EDEM2: variants seen among roughly 807,000 people sequenced by gnomAD.
The protein encoded by EDEM2 is ER degradation enhancing alpha-mannosidase like protein 2.
A neutral mutation model predicts 64.8 loss-of-function variants in EDEM2; 39 were observed. The ratio of observed to expected loss-of-function variants is 0.60; its 90% CI spans 0.47 to 0.79. The LOEUF (loss-of-function observed/expected upper bound fraction) is 0.79. Ranked by LOEUF, EDEM2 falls within the 30% of genes least tolerant of loss-of-function variation. The probability of loss-of-function intolerance (pLI) is 0.00; values close to 1 mark genes in which losing one functional copy is unlikely to be tolerated. For synonymous variants in EDEM2, 296 were observed against 291.5 expected (o/e 1.02, Z -0.16); for missense variants, 609 against 731.3 (o/e 0.83, Z 1.93).
intron 9 of EDEM2, 36 bp downstream of exon 9, chr20:35,123,854 C>T (rs757909730): frequency 6.2e-7 from 1 of 1,608,348 alleles, no homozygotes; most frequent in Non-Finnish European, 8.5e-7. Context: ...GCAACCAGAG[C>T]CTGTGGGCAG....
chr20:35,116,891 G>A (rs559357357), intron 10 of EDEM2, among the ~76,000 whole-genome samples: 2 of 152,178 alleles, frequency 1.3e-5, no homozygotes, highest in East Asian at 3.9e-4. Context: ...CCGGGTTCAA[G>A]CAATTCTCCT....
intron 2 of EDEM2, 97 bp downstream of exon 2, chr20:35,146,728 G>T: frequency 7.5e-7 from 1 of 1,327,362 alleles, no homozygotes; most frequent in Non-Finnish European, 1.0e-6. Context: ...TTCTGGTGCC[G>T]GTGAGGAGAC....
chr20:35,116,529 C>T (rs1214231356), intron 10 of EDEM2, among the ~76,000 whole-genome samples: 2 of 152,196 alleles, frequency 1.3e-5, no homozygotes. Context: ...GTTCTTTCAG[C>T]CTGGAGCACT....
Position 35,127,621 on chromosome 20 carries a change from T to C in EDEM2, c.845-1246A>G, listed in dbSNP as rs114196714. Among the ~76,000 whole-genome samples the C allele has an allele frequency of 7.1e-3, 1,084 of 152,348 alleles. 12 individuals are homozygous for C. Among genetic ancestry groups the C allele is most frequent in the African/African-American group, 0.025 (1,044 of 41,582 alleles). On this transcript the variant is annotated intron_variant, in intron 7 of 10. Transcript: ENST00000374492. ...TCAAACAGGAGTTGTAAGGATTATATGAAACAGTCCATGTTCAGAGCTTGG... is the reference window on the plus strand; with the variant it reads ...TCAAACAGGAGTTGTAAGGATTATACGAAACAGTCCATGTTCAGAGCTTGG...
intron 6 of EDEM2, among the ~76,000 whole-genome samples, chr20:35,132,445 G>A (rs1473635015): frequency 1.3e-5 from 2 of 152,006 alleles, no homozygotes; most frequent in African/African-American, 4.8e-5. Context: ...CTGGAGGTCA[G>A]AAGTCCGAGA....
chr20:35,137,981 T>C lies in EDEM2; in HGVS notation c.389A>G (p.His130Arg). ...IRVVGGLLSA[H>R]LLSKKAGVEV... ...CACCCCAGCCTTCTTGGAGAGCAGA[T>C]GAGCAGACAGGAGTCCTCCTACCAC... Residue 130 changes from histidine (H) to arginine (R), a missense_variant, in exon 5 of 11, where the codon CAT (histidine) becomes CGT (arginine). Physicochemically the swap from His to Arg is conservative, Grantham distance 29. Coordinates refer to ENST00000374492, the MANE Select transcript of EDEM2 (RefSeq NM_018217.3). 3 of 1,614,148 alleles carry C rather than the reference T, an allele frequency of 1.9e-6. No individual in the cohort carries two copies. The highest frequency in any genetic ancestry group is 2.5e-6 in the Non-Finnish European group (3 of 1,180,022).
chr20:35,141,870 T>C (rs1228304182), intron 4 of EDEM2, among the ~76,000 whole-genome samples: 3 of 152,214 alleles, frequency 2.0e-5, no homozygotes, highest in South Asian at 4.1e-4. Context: ...AATCACTAAC[T>C]ACATGTGACT....
chr20:35,131,501 G>A, intron 7 of EDEM2, 141 bp downstream of exon 7: 2 of 993,834 alleles, frequency 2.0e-6, no homozygotes, highest in Non-Finnish European at 3.0e-6. Flanking sequence ...GGGAGGCAGA[G>A]GTTGCAGTGA....
In EDEM2 at chr20:35,128,602, C is replaced by T. The variant is rs990467627; in HGVS notation, c.845-2227G>A. Among the ~76,000 whole-genome samples, 3 of 149,250 alleles carry T rather than the reference C, an allele frequency of 2.0e-5. No individual in the cohort carries two copies. The South Asian group carries it at 6.4e-4, about 32-fold the overall frequency. On this transcript the variant is annotated intron_variant, in intron 7 of 10. Transcript: ENST00000374492. ...AAAAATGAAACAGCTTCAGGCAGGT[C>T]CTTCAAGGAATTCCAGAAGGCATTG...
At position 35,142,464 on chromosome 20, in the gene EDEM2, G is replaced by C. The variant is rs375028628; in HGVS notation, c.273C>G (p.Val91=). 8.1e-6 allele frequency: 13 copies of C among 1,613,366 alleles called. No individual in the cohort carries two copies. Among genetic ancestry groups the C allele is most frequent in the Non-Finnish European group, 1.0e-5 (12 of 1,179,786 alleles). ...ALDTLLILGN[V]SEFQRVVEVL... ...CTTCAACCACTCTTTGGAATTCTGA[G>C]ACATTCCCCAAAATCTGGAAATAAA... The change falls in exon 4 of 11, where the codon GTC becomes GTG. Residue 91 remains valine, a synonymous_variant. Transcript: ENST00000374492.
chr20:35,129,704 C>G (rs2085483016), intron 7 of EDEM2, among the ~76,000 whole-genome samples: 1 of 152,184 alleles, frequency 6.6e-6, no homozygotes, highest in Non-Finnish European at 1.5e-5. Context: ...TCACCACTCA[C>G]TGACTCACCC....
intron 4 of EDEM2, among the ~76,000 whole-genome samples, chr20:35,141,942 G>C (rs1200890608): frequency 6.6e-6 from 1 of 152,148 alleles, no homozygotes; most frequent in African/African-American, 2.4e-5. Context: ...AGTTGTAGTA[G>C]ATACATTTCA....
At chr20:35,117,260 A>C (rs1166841356) in intron 10 of EDEM2, 2 of 152,254 alleles carry the variant, frequency 1.3e-5, no homozygotes, top group Non-Finnish European at 2.9e-5. Context: ...TGGATGACTA[A>C]GATTACTTGC....
intron 6 of EDEM2, 77 bp from the exon 7 acceptor site, chr20:35,131,860 C>A (rs2085510365): frequency 6.5e-7 from 1 of 1,545,492 alleles, no homozygotes. Flanking sequence ...CCAACCCTGA[C>A]TGCCCAGGGA....
At chr20:35,128,565 T>TAA (rs34451037) in intron 7 of EDEM2, among the ~76,000 whole-genome samples, 28 of 78,034 alleles carry the variant, frequency 3.6e-4, no homozygotes, top group South Asian at 8.2e-4. Context: ...AAACTCTGTC[T>TAA]AAAAAAAAAA....
Position 35,131,660 on chromosome 20 carries a change from G to A in EDEM2, c.826C>T (p.Leu276Phe), listed in dbSNP as rs1388380208. Residue 276 changes from leucine to phenylalanine, a missense_variant, in exon 7 of 11, where the codon CTC (leucine) becomes TTC (phenylalanine). Transcript: ENST00000374492. ...KGAILLQDKK[L>F]MAMFLEYNKA... ...TTTTTACCTAGGAACATGGCCATGA[G>A]CTTCTTATCCTGAAGCAGGATGGCT... 2.5e-6 allele frequency: 4 copies of A among 1,614,030 alleles called. No individual in the cohort carries two copies. Among genetic ancestry groups the A allele is most frequent in the Non-Finnish European group, 3.4e-6 (4 of 1,179,976 alleles).
chr20:35,136,733 C>A (rs1398731936), intron 5 of EDEM2, among the ~76,000 whole-genome samples: 10 of 133,714 alleles, frequency 7.5e-5, no homozygotes, highest in Non-Finnish European at 1.5e-5. Context: ...CCAGCCTGGG[C>A]GACAGAGCAA....
In EDEM2 at chr20:35,115,751, G is replaced by A. The variant is rs371534653; in HGVS notation, c.1419C>T (p.Phe473=). The change falls in exon 11 of 11, where the codon TTC becomes TTT. Residue 473 remains phenylalanine, a synonymous_variant. Transcript: ENST00000374492. The part of the protein sequence containing the change: ...ECILGAGGYI[F]NTEAHPIDPA... ...GGTCGATGGGGTGAGCTTCTGTGTT[G>A]AAGATGTACCCCCCAGCCCCCAGGA... 8.7e-5 allele frequency: 140 copies of A among 1,614,114 alleles called. No individual in the cohort carries two copies. The highest frequency in any genetic ancestry group is 1.1e-4 in the Non-Finnish European group (131 of 1,180,056).
At chr20:35,124,118 T>C (rs1431091299) in intron 8 of EDEM2, 84 bp from the exon 9 acceptor site, 30 of 1,526,278 alleles carry the variant, frequency 2.0e-5, no homozygotes, top group Non-Finnish European at 2.7e-5. Context: ...AAGTAAAATC[T>C]GTGGGGCCAA....
Sources: gnomAD v4.1 joint callset for allele counts (sites outside exome capture counted in the v4.1 genomes callset) on GRCh38, gnomAD v4.1.1 for gene constraint, MANE v1.5 for transcripts, NCBI Gene and HGNC (gene_info 2026-07-23, HGNC 2026-07-21) for gene names.